The following TSHZ2 variants were observed in gnomAD, a reference collection of about 807,000 sequenced individuals.
TSHZ2 encodes teashirt zinc finger homeobox 2.
A neutral mutation model predicts 74.4 loss-of-function variants in TSHZ2; 21 were observed. The ratio of observed to expected loss-of-function variants is 0.28; its 90% confidence interval spans 0.20 to 0.41. TSHZ2 has a LOEUF of 0.41. TSHZ2 is among the 10% of genes least tolerant of loss of function. The pLI is 1.00. For synonymous variants in TSHZ2, 540 were observed against 515.3 expected (o/e 1.05, Z -0.65); for missense variants, 1,244 against 1,293.5 (o/e 0.96, Z 0.59).
intron 1 of TSHZ2, among the ~76,000 whole-genome samples, chr20:53,002,994 A>C (rs769943083): frequency 6.6e-6 from 1 of 152,224 alleles, no homozygotes; most frequent in Non-Finnish European, 1.5e-5. Context: ...ATGACTTCAT[A>C]ATGTAATGGA....
chr20:53,362,114 G>T (rs6022421), intron 2 of TSHZ2, among the ~76,000 whole-genome samples: 5,638 of 151,762 alleles, frequency 0.037, 382 homozygotes, highest in African/African-American at 0.13. Flanking sequence ...TCCACCACCC[G>T]CCTGGGCCTC....
At chr20:53,005,747 G>A (rs1982619886) in intron 1 of TSHZ2, among the ~76,000 whole-genome samples, 1 of 152,118 alleles carries the variant, frequency 6.6e-6, no homozygotes. Flanking sequence ...TCCAAGTACT[G>A]GCTCTTTCTG....
chr20:53,401,147 G>A (rs566405396), intron 2 of TSHZ2: 2 of 152,328 alleles, frequency 1.3e-5, no homozygotes, highest in East Asian at 3.9e-4. Flanking sequence ...GTGTGCCTGA[G>A]GCGGTGCTCT....
At chr20:53,088,036 T>C (rs1985752437) in intron 1 of TSHZ2, among the ~76,000 whole-genome samples, 1 of 152,228 alleles carries the variant, frequency 6.6e-6, no homozygotes, top group Admixed American at 6.5e-5. Context: ...TATTACCCCA[T>C]GTCTGTCTTC....
At chr20:53,045,251 G>A (rs905642081) in intron 1 of TSHZ2, among the ~76,000 whole-genome samples, 1 of 152,202 alleles carries the variant, frequency 6.6e-6, no homozygotes, top group Admixed American at 6.5e-5. Context: ...GACTCTCACA[G>A]TGACGTCCTC....
At chr20:53,209,482 T>C (rs750583665) in intron 1 of TSHZ2, among the ~76,000 whole-genome samples, 5 of 152,206 alleles carry the variant, frequency 3.3e-5, no homozygotes, top group Non-Finnish European at 7.3e-5. Context: ...TCAGAGCTGT[T>C]TGGGGCAATG....
intron 2 of TSHZ2, among the ~76,000 whole-genome samples, chr20:53,440,875 G>A (rs60398156): frequency 5.4e-4 from 82 of 152,368 alleles, no homozygotes; most frequent in African/African-American, 1.9e-3. Flanking sequence ...ACCAGCAAGT[G>A]CAAAGGCCCT....
rs550310544 is a variant in TSHZ2, at chr20:53,033,195, A to G, written c.40+59862A>G. Among the ~76,000 whole-genome samples, 13 of 152,370 alleles carry G rather than the reference A, an allele frequency of 8.5e-5. 1 individual carries two copies. The highest frequency in any genetic ancestry group is 8.5e-4 in the Admixed American group (13 of 15,304). Reference sequence around the variant, plus strand: ...CAAAAAGACTATTGTGCCATCACATAGTAAAACTGATTCTTGCTATCGAGA... The same window carrying G: ...CAAAAAGACTATTGTGCCATCACATGGTAAAACTGATTCTTGCTATCGAGA... On this transcript the variant is annotated intron_variant, in intron 1 of 2. Coordinates refer to ENST00000371497, the MANE Select transcript of TSHZ2 (RefSeq NM_173485.6).
intron 1 of TSHZ2, among the ~76,000 whole-genome samples, chr20:53,186,567 G>A (rs1988603538): frequency 6.6e-6 from 1 of 152,164 alleles, no homozygotes; most frequent in Admixed American, 6.5e-5. Flanking sequence ...AGTGGTCTCA[G>A]GTTGCCATCC....
chr20:53,492,377 TA>T lies in TSHZ2; in HGVS notation c.*5245del, dbSNP rs2145872448. 6.6e-6 allele frequency: 1 copy of T among 152,342 alleles called. No individual in the cohort carries two copies. The highest frequency in any genetic ancestry group is 1.9e-4 in the East Asian group (1 of 5,198). The allele number at this position is 152,342 out of a possible 1,614,324, so 9.4% of individuals were successfully genotyped here. On this transcript the variant is annotated 3_prime_UTR_variant, in exon 3 of 3. Transcript: ENST00000371497. ...AAGTGATGTCTATTGTGCATTGAAG[TA>T]AATATTACAAACATTCCAGTTTCGC... is the stretch of plus-strand genomic sequence containing the variant.
intron 2 of TSHZ2, among the ~76,000 whole-genome samples, chr20:53,273,654 AAGCAGGAGGCCAGCAAGG>A (rs1990884305): frequency 6.6e-6 from 1 of 152,160 alleles, no homozygotes; most frequent in East Asian, 1.9e-4. Flanking sequence ...TCAGGAGTGA[AAGCAGGAGGCCAGCAAGG>A]AGGCTGTTGG....
At chr20:53,372,159 T>G (rs1651535417) in intron 2 of TSHZ2, among the ~76,000 whole-genome samples, 1 of 152,122 alleles carries the variant, frequency 6.6e-6, no homozygotes, top group Admixed American at 6.5e-5. Context: ...CGGCCATCAA[T>G]TTTGAGGTGA....
At chr20:53,394,019 TCTC>T (rs1982355769) in intron 2 of TSHZ2, among the ~76,000 whole-genome samples, 3 of 152,210 alleles carry the variant, frequency 2.0e-5, no homozygotes, top group African/African-American at 7.2e-5. Context: ...TGGTTGCTCT[TCTC>T]CAGGTCAATC....
intron 2 of TSHZ2, among the ~76,000 whole-genome samples, chr20:53,446,911 C>G (rs1264768697): frequency 1.3e-5 from 2 of 152,208 alleles, no homozygotes; most frequent in Admixed American, 1.3e-4. Flanking sequence ...TCACCCTTCA[C>G]TCTCTTGCCC....
intron 2 of TSHZ2, among the ~76,000 whole-genome samples, chr20:53,385,924 C>T (rs1184203349): frequency 6.6e-6 from 1 of 152,182 alleles, no homozygotes; most frequent in African/African-American, 2.4e-5. Context: ...CCAGATCACT[C>T]CGGACACAAA....
intron 1 of TSHZ2, among the ~76,000 whole-genome samples, chr20:53,250,562 G>A (rs1044676321): frequency 4.6e-5 from 7 of 152,152 alleles, no homozygotes; most frequent in Non-Finnish European, 1.0e-4. Flanking sequence ...GGCACTTTTT[G>A]TATGAGGCTT....
At chr20:53,169,492 C>T (rs1034186737) in intron 1 of TSHZ2, among the ~76,000 whole-genome samples, 5 of 152,282 alleles carry the variant, frequency 3.3e-5, no homozygotes, top group Middle Eastern at 3.4e-3. Context: ...GGATCAAGTC[C>T]AGATGTTTTA....
chr20:53,345,932 C>G (rs908875983), intron 2 of TSHZ2, among the ~76,000 whole-genome samples: 2 of 152,146 alleles, frequency 1.3e-5, no homozygotes, highest in African/African-American at 4.8e-5. Context: ...AAGAGCATGC[C>G]GGTCACTCAA....
intron 2 of TSHZ2, among the ~76,000 whole-genome samples, chr20:53,311,493 T>C (rs374366254): frequency 6.6e-6 from 1 of 152,214 alleles, no homozygotes; most frequent in Admixed American, 6.5e-5. Context: ...GTTTGTTTGG[T>C]TGGTGAGAGT....
Sources: allele counts gnomAD v4.1 joint callset (sites outside exome capture counted in the v4.1 genomes callset), GRCh38; gene constraint gnomAD v4.1.1; transcripts MANE v1.5; gene names NCBI Gene and HGNC (gene_info 2026-07-23, HGNC 2026-07-21).